TMTC1: variants seen among roughly 807,000 people sequenced by gnomAD.
TMTC1 encodes the protein protein O-mannosyl-transferase TMTC1.
In TMTC1, 73 loss-of-function variants were observed where a neutral mutation model predicts 104.8. That is an observed-to-expected ratio of 0.70 (90% CI 0.58 to 0.85). The LOEUF (loss-of-function observed/expected upper bound fraction) is 0.85, where lower values mean the gene tolerates loss of function less well. Ranked by LOEUF, TMTC1 falls within the 40% of genes least tolerant of loss-of-function variation. TMTC1 has a pLI of 0.00. For synonymous variants in TMTC1, 434 were observed against 428.7 expected (o/e 1.01, Z -0.15); for missense variants, 1,035 against 1,096.1 (o/e 0.94, Z 0.79).
intron 2 of TMTC1, among the ~76,000 whole-genome samples, chr12:29,765,481 A>G (rs753089783): frequency 1.1e-4 from 17 of 152,216 alleles, no homozygotes; most frequent in Non-Finnish European, 1.9e-4. Context: ...TTACATAGTT[A>G]TGCTTAAAAC....
chr12:29,776,440 T>C (rs1943709925), intron 1 of TMTC1, among the ~76,000 whole-genome samples: 1 of 152,198 alleles, frequency 6.6e-6, no homozygotes. Context: ...CAAAGGTAAA[T>C]TAGTGAAAAA....
intron 5 of TMTC1, among the ~76,000 whole-genome samples, chr12:29,725,490 C>T (rs1369592190): frequency 1.3e-5 from 2 of 152,230 alleles, no homozygotes; most frequent in African/African-American, 2.4e-5. Flanking sequence ...TGAGCTACCA[C>T]ACCCAGTCCT....
chr12:29,532,898 C>T (rs962867694), intron 11 of TMTC1: 1 of 152,112 alleles, frequency 6.6e-6, no homozygotes, highest in Non-Finnish European at 1.5e-5. Flanking sequence ...ACCTGGAGTT[C>T]TTAATTTTCT....
chr12:29,760,857 G>A (rs1943328970), intron 2 of TMTC1, among the ~76,000 whole-genome samples: 1 of 148,122 alleles, frequency 6.8e-6, no homozygotes. Flanking sequence ...TTATAATACT[G>A]TATTTATTAT....
intron 1 of TMTC1, among the ~76,000 whole-genome samples, chr12:29,779,242 A>T (rs2120661135): frequency 6.6e-6 from 1 of 152,362 alleles, no homozygotes; most frequent in South Asian, 2.1e-4. Flanking sequence ...AACATTCTGA[A>T]TGTGATCTTA....
At chr12:29,608,870 C>T (rs570873073) in intron 6 of TMTC1, among the ~76,000 whole-genome samples, 1 of 152,242 alleles carries the variant, frequency 6.6e-6, no homozygotes, top group South Asian at 2.1e-4. Context: ...AACCGTCCAG[C>T]CTAGTAGCTT....
In TMTC1 at chr12:29,553,494, T is replaced by C. The variant is rs577494929; in HGVS notation, c.1676+3363A>G. 3.3e-5 allele frequency among the ~76,000 whole-genome samples: 5 copies of C among 152,280 alleles called. No homozygotes were observed. In the South Asian group the frequency reaches 6.2e-4, roughly 19 times the overall value. Reference sequence around the variant, plus strand: ...CAAGAGGAGGTAAACAAGGATAACTTGTTTGGACCTCTGTTAACTTCTTAG... The same window carrying C: ...CAAGAGGAGGTAAACAAGGATAACTCGTTTGGACCTCTGTTAACTTCTTAG... On this transcript the variant is annotated intron_variant, in intron 10 of 17. Transcript: ENST00000539277.
intron 5 of TMTC1, among the ~76,000 whole-genome samples, chr12:29,729,814 G>A (rs1208506785): frequency 6.6e-6 from 1 of 152,062 alleles, no homozygotes. Context: ...TACTATTCTA[G>A]GTGCTGAGGA....
At chr12:29,775,866 C>T (rs762658778) in intron 1 of TMTC1, among the ~76,000 whole-genome samples, 1 of 152,102 alleles carries the variant, frequency 6.6e-6, no homozygotes, top group Admixed American at 6.5e-5. Flanking sequence ...AGGAGCCCAC[C>T]ATGAGTCAAC....
intron 7 of TMTC1, among the ~76,000 whole-genome samples, chr12:29,601,709 G>T (rs78190106): frequency 0.047 from 7,169 of 152,034 alleles, 577 homozygotes; most frequent in African/African-American, 0.16. Flanking sequence ...CAGAGCCCAG[G>T]TTTTATTTTT....
chr12:29,567,599 T>C (rs1224125022), intron 9 of TMTC1, among the ~76,000 whole-genome samples: 1 of 152,220 alleles, frequency 6.6e-6, no homozygotes, highest in Non-Finnish European at 1.5e-5. Context: ...AGAACACATC[T>C]CCACCTGTTA....
chr12:29,757,832 T>C (rs188374541), intron 3 of TMTC1, among the ~76,000 whole-genome samples: 1 of 152,024 alleles, frequency 6.6e-6, no homozygotes, highest in African/African-American at 2.4e-5. Context: ...GTGCAGGGAA[T>C]CTCCCATTTT....
intron 5 of TMTC1, among the ~76,000 whole-genome samples, chr12:29,735,346 C>T (rs780666265): frequency 3.3e-5 from 5 of 152,200 alleles, no homozygotes; most frequent in Non-Finnish European, 7.3e-5. Flanking sequence ...GGGCAAATTA[C>T]TTATCCTCCC....
chr12:29,592,899 T>C (rs1251889006), intron 7 of TMTC1, among the ~76,000 whole-genome samples: 1 of 152,206 alleles, frequency 6.6e-6, no homozygotes. Context: ...TTTGAATGCA[T>C]TCCAGGTAGA....
intron 7 of TMTC1, among the ~76,000 whole-genome samples, chr12:29,586,935 T>G (rs1171887862): frequency 1.3e-5 from 2 of 152,172 alleles, no homozygotes; most frequent in Non-Finnish European, 2.9e-5. Context: ...GGTATCAGGA[T>G]GATGCTGGCC....
In TMTC1 at chr12:29,586,134, C is replaced by T. The variant is rs550893796; in HGVS notation, c.1251-2560G>A. 7.1e-4 allele frequency among the ~76,000 whole-genome samples: 108 copies of T among 152,274 alleles called. 1 individual carries two copies. In the Middle Eastern group the frequency reaches 0.024, roughly 34 times the overall value. On this transcript the variant is annotated intron_variant, in intron 7 of 17. Transcript: ENST00000539277. ...TTTCATTGAGCAGTGGTTTGTAGTT[C>T]TCCTTGATGAGGTCCTTCACATCCC...
chr12:29,713,315 AC>A (rs1941985667), intron 5 of TMTC1, among the ~76,000 whole-genome samples: 2 of 148,910 alleles, frequency 1.3e-5, no homozygotes. Flanking sequence ...ACACACACAC[AC>A]ACACACACAC....
intron 6 of TMTC1, among the ~76,000 whole-genome samples, chr12:29,621,120 A>C (rs1183183757): frequency 6.6e-6 from 1 of 152,254 alleles, no homozygotes; most frequent in Non-Finnish European, 1.5e-5. Context: ...ATGGGAACTG[A>C]AAAGAGGAAT....
chr12:29,607,365 A>G (rs1383552839), intron 6 of TMTC1, among the ~76,000 whole-genome samples: 1 of 152,194 alleles, frequency 6.6e-6, no homozygotes, highest in Non-Finnish European at 1.5e-5. Flanking sequence ...TAAGTGAATA[A>G]ATGTATCAGG....
Sources: allele counts gnomAD v4.1 joint callset (sites outside exome capture counted in the v4.1 genomes callset), GRCh38; gene constraint gnomAD v4.1.1; transcripts MANE v1.5; gene names NCBI Gene and HGNC (gene_info 2026-07-23, HGNC 2026-07-21).